The following SDHAF3 variants were observed in gnomAD, a reference collection of about 807,000 sequenced individuals.
SDHAF3 encodes the protein succinate dehydrogenase assembly factor 3, mitochondrial.
A neutral mutation model predicts 11.5 loss-of-function variants in SDHAF3; 18 were observed. That is an observed-to-expected ratio of 1.56 (90% CI 1.08 to 2.32). The LOEUF is 2.32. SDHAF3 is among the 30% of genes most tolerant of loss of function. The pLI is 0.00. For synonymous variants in SDHAF3, 72 were observed against 59.3 expected, an observed-to-expected ratio of 1.21 and a Z score of -0.99; for missense variants, 200 against 154.4, an observed-to-expected ratio of 1.30 and a Z score of -1.57.
At chr7:97,172,155 T>C (rs1789609662) in intron 1 of SDHAF3, among the ~76,000 whole-genome samples, 1 of 152,194 alleles carries the variant, frequency 6.6e-6, no homozygotes, top group Non-Finnish European at 1.5e-5. Context: ...TGTTTAAATT[T>C]GTACATGTTT....
rs371855276 is a variant in SDHAF3 at position 97,146,622 on chromosome 7, T to C, written c.174+28725T>C. ...TTTTAATTTTTTTAATTGCCTGATA[T>C]CTTTTTTGAAGTTACATTTTATGAT... On this transcript the variant is annotated intron_variant, in intron 1 of 1. Coordinates refer to ENST00000432641, the MANE Select transcript of SDHAF3 (RefSeq NM_020186.3). 2.9e-4 allele frequency among the ~76,000 whole-genome samples: 44 copies of C among 152,266 alleles called. No individual in the cohort carries two copies. In the East Asian group the frequency reaches 6.9e-3, roughly 24 times the overall value.
At chr7:97,118,367 A>C (rs1305884261) in intron 1 of SDHAF3, among the ~76,000 whole-genome samples, 1 of 152,202 alleles carries the variant, frequency 6.6e-6, no homozygotes, top group East Asian at 1.9e-4. Context: ...GCTGATACAG[A>C]AATCAGGTAA....
intron 1 of SDHAF3, among the ~76,000 whole-genome samples, chr7:97,161,153 C>T (rs1789403984): frequency 6.6e-6 from 1 of 152,116 alleles, no homozygotes; most frequent in Non-Finnish European, 1.5e-5. Flanking sequence ...CTACAGTGTA[C>T]TGTGTTGCCA....
intron 1 of SDHAF3, among the ~76,000 whole-genome samples, chr7:97,165,755 T>C (rs1198272010): frequency 6.6e-6 from 1 of 152,230 alleles, no homozygotes; most frequent in Non-Finnish European, 1.5e-5. Flanking sequence ...GCAGTTTGCC[T>C]TGTAAAACAG....
At chr7:97,127,792 T>C (rs927078107) in intron 1 of SDHAF3, among the ~76,000 whole-genome samples, 1 of 152,196 alleles carries the variant, frequency 6.6e-6, no homozygotes, top group African/African-American at 2.4e-5. Flanking sequence ...AGTGGGTCAG[T>C]TGGGTCTCAG....
chr7:97,140,343 ATTTTTTT>A (rs67929691), intron 1 of SDHAF3, among the ~76,000 whole-genome samples: 1 of 112,484 alleles, frequency 8.9e-6, no homozygotes, highest in Non-Finnish European at 1.7e-5. Flanking sequence ...TTTTGGTAGT[ATTTTTTT>A]TTTTTTTTTT....
intron 1 of SDHAF3, among the ~76,000 whole-genome samples, chr7:97,133,289 A>G (rs1791697039): frequency 6.6e-6 from 1 of 152,180 alleles, no homozygotes; most frequent in Non-Finnish European, 1.5e-5. Context: ...TAAGTTCTGA[A>G]AGAGCTTTTG....
intron 1 of SDHAF3, among the ~76,000 whole-genome samples, chr7:97,145,916 A>G (rs1218920998): frequency 1.3e-5 from 2 of 152,204 alleles, no homozygotes; most frequent in Admixed American, 6.5e-5. Context: ...GAAGGCAGAT[A>G]GCCATCAAAC....
At chr7:97,180,954 C>G in intron 1 of SDHAF3, 58 bp from the exon 2 acceptor site, 1 of 1,439,426 alleles carries the variant, frequency 6.9e-7, no homozygotes, top group Admixed American at 2.4e-5. Context: ...TTCAAGTCCT[C>G]TAATGTTAAA....
At chr7:97,146,871 C>T (rs951053167) in intron 1 of SDHAF3, among the ~76,000 whole-genome samples, 1 of 151,272 alleles carries the variant, frequency 6.6e-6, no homozygotes, top group African/African-American at 2.4e-5. Context: ...ACTGCAAACT[C>T]CACCTCCCGG....
chr7:97,147,252 T>C (rs1038946940), intron 1 of SDHAF3, among the ~76,000 whole-genome samples: 3 of 152,202 alleles, frequency 2.0e-5, no homozygotes, highest in Non-Finnish European at 4.4e-5. Context: ...CTTCAAAAGA[T>C]TGTTTTCAGA....
intron 1 of SDHAF3, among the ~76,000 whole-genome samples, chr7:97,125,171 C>CA (rs1791556836): frequency 2.6e-5 from 4 of 150,994 alleles, no homozygotes; most frequent in South Asian, 4.3e-4. Context: ...TTAATCTTTT[C>CA]AAAAAAACGG....
rs138596626 is a variant in SDHAF3 at position 97,181,176 on chromosome 7, G to A, written c.339G>A (p.Arg113=). 1.6e-4 allele frequency: 265 copies of A among 1,613,704 alleles called. No homozygotes were observed. In the African/African-American group the frequency reaches 3.2e-3, roughly 20 times the overall value. Residue 113 remains arginine, a synonymous_variant, in exon 2 of 2, where the codon AGG becomes AGA. Transcript: ENST00000432641. ...TGCAAGAAGCCACAAAACCCAATAG[G>A]CAATTTAGTATTTCTGAGTCTATGA... ...ELMQEATKPN[R]QFSISESMKP...
At chr7:97,123,524 C>T (rs918088461) in intron 1 of SDHAF3, among the ~76,000 whole-genome samples, 1 of 152,114 alleles carries the variant, frequency 6.6e-6, no homozygotes, top group Non-Finnish European at 1.5e-5. Flanking sequence ...AGTGGGATTG[C>T]TGGGTCAAAT....
intron 1 of SDHAF3, among the ~76,000 whole-genome samples, chr7:97,132,892 A>G (rs766581808): frequency 8.5e-5 from 13 of 152,218 alleles, no homozygotes; most frequent in African/African-American, 3.1e-4. Context: ...GACTTTACCA[A>G]CATAACCAGA....
At chr7:97,127,262 C>CA (rs1386068434) in intron 1 of SDHAF3, among the ~76,000 whole-genome samples, 1 of 152,226 alleles carries the variant, frequency 6.6e-6, no homozygotes, top group Non-Finnish European at 1.5e-5. Flanking sequence ...TTGCCAGATC[C>CA]AAGAGAATCC....
chr7:97,162,718 C>T (rs1186858121), intron 1 of SDHAF3, among the ~76,000 whole-genome samples: 3 of 152,180 alleles, frequency 2.0e-5, no homozygotes, highest in African/African-American at 7.2e-5. Flanking sequence ...GTTTCTTAAT[C>T]CTCAGTTCTA....
At chr7:97,151,230 G>T (rs117772555) in intron 1 of SDHAF3, among the ~76,000 whole-genome samples, 1 of 152,078 alleles carries the variant, frequency 6.6e-6, no homozygotes, top group Non-Finnish European at 1.5e-5. Flanking sequence ...AAAGGCATAC[G>T]GATTTATTAT....
chr7:97,142,332 C>T lies in SDHAF3; in HGVS notation c.174+24435C>T, dbSNP rs183163061. 1.2e-3 allele frequency among the ~76,000 whole-genome samples: 180 copies of T among 152,080 alleles called. 1 individual carries two copies. Among genetic ancestry groups the T allele is most frequent in the East Asian group, 7.4e-3 (38 of 5,168 alleles). On this transcript the variant is annotated intron_variant, in intron 1 of 1. Transcript: ENST00000432641. The stretch of plus-strand genomic sequence containing the variant: ...CCTCCCAAAGTGCTAGGATTACAGG[C>T]GTGAGCCACCGCGCCTGGCCTGAAT...
Sources: gnomAD v4.1 joint callset for allele counts (sites outside exome capture counted in the v4.1 genomes callset) on GRCh38, gnomAD v4.1.1 for gene constraint, MANE v1.5 for transcripts, NCBI Gene and HGNC (gene_info 2026-07-23, HGNC 2026-07-21) for gene names.